Variants in SRGAP3 observed in about 807,000 individuals in gnomAD.
SRGAP3 encodes SLIT-ROBO Rho GTPase-activating protein 3.
A neutral mutation model predicts 121.1 loss-of-function variants in SRGAP3; 39 were observed. The observed-to-expected ratio is 0.32, with a 90% CI of 0.25 to 0.42. The LOEUF is 0.42. Ranked by LOEUF, SRGAP3 falls within the 10% of genes least tolerant of loss-of-function variation. SRGAP3 has a pLI of 1.00. For missense variants in SRGAP3, 1,213 were observed against 1,470.6 expected (o/e 0.82, Z 2.86); for synonymous variants, 601 against 570.0 (o/e 1.05, Z -0.77).
At chr3:9,025,131 G>A (rs1010943469) in intron 14 of SRGAP3, 130 bp downstream of exon 14, 2 of 894,454 alleles carry the variant, frequency 2.2e-6, no homozygotes, top group African/African-American at 1.6e-5. Flanking sequence ...AAGTTGGGAA[G>A]AGATGTGCAC....
At chr3:9,093,804 T>A (rs928308743) in intron 3 of SRGAP3, among the ~76,000 whole-genome samples, 1 of 152,208 alleles carries the variant, frequency 6.6e-6, no homozygotes, top group African/African-American at 2.4e-5. Context: ...CACTCCCCAT[T>A]CAAGAACCTT....
intron 1 of SRGAP3, among the ~76,000 whole-genome samples, chr3:9,127,111 C>G (rs1168405700): frequency 2.0e-5 from 3 of 151,990 alleles, no homozygotes; most frequent in Non-Finnish European, 4.4e-5. Flanking sequence ...CACTTGAGGC[C>G]AGGGGCTCAA....
At chr3:9,182,493 G>A (rs1234994273) in intron 1 of SRGAP3, among the ~76,000 whole-genome samples, 3 of 152,122 alleles carry the variant, frequency 2.0e-5, no homozygotes, top group Admixed American at 2.0e-4. Flanking sequence ...CCAACAGGGA[G>A]AGCGAGGCCT....
chr3:9,252,938 T>C (rs183978652), upstream of SRGAP3, among the ~76,000 whole-genome samples: 462 of 152,362 alleles, frequency 3.0e-3, 3 homozygotes, highest in African/African-American at 0.011. Context: ...TGGAAGTGTT[T>C]ATTCCATTTC....
At chr3:9,123,801 G>A (rs1949116162) in intron 2 of SRGAP3, among the ~76,000 whole-genome samples, 1 of 150,184 alleles carries the variant, frequency 6.7e-6, no homozygotes, top group African/African-American at 2.5e-5. Flanking sequence ...GAGAGAGAGA[G>A]AGAGAGAGAA....
intron 19 of SRGAP3, 37 bp downstream of exon 19, chr3:8,994,306 T>G: frequency 6.2e-7 from 1 of 1,612,512 alleles, no homozygotes; most frequent in South Asian, 1.1e-5. Flanking sequence ...CACTAATCTA[T>G]TTCGGCATTC....
intron 1 of SRGAP3, among the ~76,000 whole-genome samples, chr3:9,333,730 A>G (rs945440641): frequency 6.6e-6 from 1 of 152,152 alleles, no homozygotes; most frequent in Non-Finnish European, 1.5e-5. Context: ...TCTGCGATAA[A>G]AGAATGAGGG....
intron 1 of SRGAP3, among the ~76,000 whole-genome samples, chr3:9,338,114 C>G (rs149346993): frequency 1.6e-4 from 25 of 152,182 alleles, no homozygotes; most frequent in African/African-American, 5.8e-4. Flanking sequence ...GATATTAAAG[C>G]AGAAACAGCC....
At chr3:9,251,843 C>T (rs904359425), upstream of SRGAP3, among the ~76,000 whole-genome samples, 11 of 152,168 alleles carry the variant, frequency 7.2e-5, no homozygotes, top group African/African-American at 2.7e-4. Flanking sequence ...CTCTGCTGTG[C>T]ACCAGCTGTG....
At chr3:9,053,626 A>G (rs766868262) in intron 8 of SRGAP3, among the ~76,000 whole-genome samples, 1 of 152,232 alleles carries the variant, frequency 6.6e-6, no homozygotes, top group African/African-American at 2.4e-5. Context: ...AGTTCTCTTC[A>G]TTCAGAGAAG....
At chr3:9,273,586 T>C (rs1424275520) in intron 3 of SRGAP3, among the ~76,000 whole-genome samples, 1 of 152,214 alleles carries the variant, frequency 6.6e-6, no homozygotes, top group African/African-American at 2.4e-5. Flanking sequence ...CACAAAAGTT[T>C]TAAATTTTGA....
At chr3:9,157,275 G>A (rs959321972) in intron 1 of SRGAP3, among the ~76,000 whole-genome samples, 4 of 152,080 alleles carry the variant, frequency 2.6e-5, no homozygotes, top group African/African-American at 4.8e-5. Flanking sequence ...AAAGGGGGAT[G>A]TGCTACACTC....
At chr3:9,240,277 AAGCCATC>A (rs1311554033) in intron 1 of SRGAP3, among the ~76,000 whole-genome samples, 2 of 152,196 alleles carry the variant, frequency 1.3e-5, no homozygotes, top group East Asian at 3.8e-4. Flanking sequence ...GAACACCAAC[AAGCCATC>A]AGGAATGAAT....
At chr3:9,015,948 A>T (rs1943616530) in intron 14 of SRGAP3, 1 of 584,496 alleles carries the variant, frequency 1.7e-6, no homozygotes, top group Admixed American at 3.0e-5. Context: ...GTAAAAATAA[A>T]ATAATGAACG....
rs548006773 is a variant in SRGAP3 at position 9,289,259 on chromosome 3, G to A, written n.442+36751C>T. 7.3e-4 allele frequency among the ~76,000 whole-genome samples: 111 copies of A among 152,172 alleles called. 1 individual carries two copies. Among genetic ancestry groups the A allele is most frequent in the South Asian group, 5.6e-3 (27 of 4,816 alleles). On this transcript the variant is annotated intron_variant and non_coding_transcript_variant, in intron 3 of 3. Transcript: ENST00000490889. ...ATTTCTGATTTCTTTTAACATATTC[G>A]AATACTTCTTTTATATTCTGTGACT...
intron 1 of SRGAP3, among the ~76,000 whole-genome samples, chr3:9,147,824 G>A (rs1950076370): frequency 6.6e-6 from 1 of 152,164 alleles, no homozygotes; most frequent in African/African-American, 2.4e-5. Context: ...GCCTGTGCCA[G>A]AGCCACTAAA....
chr3:9,181,866 C>T (rs896198773), intron 1 of SRGAP3, among the ~76,000 whole-genome samples: 12 of 152,170 alleles, frequency 7.9e-5, no homozygotes, highest in African/African-American at 2.9e-4. Context: ...CGAAATGTGA[C>T]CTTAATTTTA....
chr3:9,113,462 C>T (rs1340348399), intron 2 of SRGAP3, among the ~76,000 whole-genome samples: 1 of 152,144 alleles, frequency 6.6e-6, no homozygotes, highest in Non-Finnish European at 1.5e-5. Context: ...CCAGTCATGT[C>T]GGATTAGGGC....
chr3:9,176,645 G>A (rs1324709101), intron 1 of SRGAP3, among the ~76,000 whole-genome samples: 1 of 152,178 alleles, frequency 6.6e-6, no homozygotes, highest in East Asian at 1.9e-4. Context: ...TGCTTCTGGG[G>A]AGGCCTCAGG....
Sources: allele counts gnomAD v4.1 joint callset (sites outside exome capture counted in the v4.1 genomes callset), GRCh38; gene constraint gnomAD v4.1.1; transcripts MANE v1.5; gene names NCBI Gene and HGNC (gene_info 2026-07-23, HGNC 2026-07-21).